Variants in ULK4 observed in about 807,000 individuals in gnomAD.
The protein encoded by ULK4 is inactive serine/threonine-protein kinase ULK4.
ULK4 carries 133 observed loss-of-function variants against 160.6 expected under a neutral mutation model. The ratio of observed to expected loss-of-function variants is 0.83; its 90% CI spans 0.72 to 0.96. ULK4 has a LOEUF of 0.96. ULK4 is among the 40% of genes least tolerant of loss of function. The pLI is 0.00. For synonymous variants in ULK4, 534 were observed against 539.8 expected (o/e 0.99, Z 0.15); for missense variants, 1,580 against 1,499.5 (o/e 1.05, Z -0.89).
chr3:41,739,650 T>C (rs2038176365), intron 22 of ULK4, among the ~76,000 whole-genome samples: 2 of 151,976 alleles, frequency 1.3e-5, no homozygotes, highest in South Asian at 4.1e-4. Flanking sequence ...AATGAGCACA[T>C]GCATGTTCAC....
rs536368765 is a variant in ULK4 at position 41,283,363 on chromosome 3, C to T, written c.3679-33789G>A. Among the ~76,000 whole-genome samples, 4 of 152,302 alleles carry T rather than the reference C, an allele frequency of 2.6e-5. No individual in the cohort carries two copies. In the South Asian group the frequency reaches 8.3e-4, roughly 32 times the overall value. On this transcript the variant is annotated intron_variant, in intron 35 of 36. Coordinates refer to ENST00000301831, the MANE Select transcript of ULK4 (RefSeq NM_017886.4). ...ACATGCACACATATGTTTATTGCCACACTATTCACAATAGAAAAGACTTAG... is the reference window on the plus strand; with the variant it reads ...ACATGCACACATATGTTTATTGCCATACTATTCACAATAGAAAAGACTTAG...
At chr3:41,678,212 A>G (rs1334635094) in intron 29 of ULK4, among the ~76,000 whole-genome samples, 1 of 151,364 alleles carries the variant, frequency 6.6e-6, no homozygotes, top group South Asian at 2.1e-4. Context: ...ACACACACAC[A>G]CACACACACA....
At chr3:41,441,547 G>A (rs907583591) in intron 34 of ULK4, among the ~76,000 whole-genome samples, 1 of 151,870 alleles carries the variant, frequency 6.6e-6, no homozygotes, top group African/African-American at 2.4e-5. Context: ...ATTTACATAT[G>A]TATAAATTTA....
intron 18 of ULK4, among the ~76,000 whole-genome samples, chr3:41,833,059 T>C (rs2041643758): frequency 6.6e-6 from 1 of 152,198 alleles, no homozygotes; most frequent in Non-Finnish European, 1.5e-5. Flanking sequence ...TTTTTTCTAA[T>C]TCTGTGAAGA....
chr3:41,950,594 G>A (rs1352025537), intron 2 of ULK4, among the ~76,000 whole-genome samples: 2 of 151,824 alleles, frequency 1.3e-5, no homozygotes, highest in Non-Finnish European at 2.9e-5. Flanking sequence ...TCACCATGTT[G>A]CCCAGGCTGG....
chr3:41,735,024 G>A (rs1379568237), intron 22 of ULK4, among the ~76,000 whole-genome samples: 1 of 152,164 alleles, frequency 6.6e-6, no homozygotes, highest in African/African-American at 2.4e-5. Context: ...AAAGGAATTG[G>A]GTGCCAGAAA....
Position 41,794,197 on chromosome 3 carries a change from C to A in ULK4, c.2011-4354G>T, listed in dbSNP as rs369561842. 2.6e-5 allele frequency among the ~76,000 whole-genome samples: 4 copies of A among 152,158 alleles called. No homozygotes were observed. In the East Asian group the frequency reaches 7.7e-4, roughly 29 times the overall value. On this transcript the variant is annotated intron_variant, in intron 20 of 36. Coordinates refer to ENST00000301831, the MANE Select transcript of ULK4 (RefSeq NM_017886.4). ...GAAAATCACTGACAGGCAGGAAATACAGACAGTTACAAGTGGAACAACATG... is the reference window on the plus strand; with the variant it reads ...GAAAATCACTGACAGGCAGGAAATAAAGACAGTTACAAGTGGAACAACATG...
At chr3:41,494,519 C>G (rs1274505746) in intron 32 of ULK4, among the ~76,000 whole-genome samples, 1 of 150,928 alleles carries the variant, frequency 6.6e-6, no homozygotes. Context: ...AAAACTGGCA[C>G]AAGACAGGGA....
At chr3:41,268,796 TCC>T (rs2079088864) in intron 35 of ULK4, among the ~76,000 whole-genome samples, 1 of 107,324 alleles carries the variant, frequency 9.3e-6, no homozygotes. Flanking sequence ...AGAGCAAGAC[TCC>T]GTCTCACACA....
intron 30 of ULK4, among the ~76,000 whole-genome samples, chr3:41,658,751 A>ACT (rs745962551): frequency 5.3e-5 from 8 of 151,150 alleles, no homozygotes; most frequent in Non-Finnish European, 1.2e-4. Context: ...ACACACACAC[A>ACT]CACACACATA....
rs1297830495 is a variant in ULK4 at position 41,779,965 on chromosome 3, C to A, written c.2193+9696G>T. 4.1e-5 allele frequency among the ~76,000 whole-genome samples: 5 copies of A among 122,526 alleles called. 1 individual carries two copies. Among genetic ancestry groups the A allele is most frequent in the Admixed American group, 1.7e-4 (2 of 11,850 alleles). The allele number at this position is 122,526 out of a possible 152,430, so 80.4% of individuals were successfully genotyped here. ...CTAACCTGCACAATGTGCACATGTA[C>A]CCTAAAACTTAGAGTATAATAAAAA... On this transcript the variant is annotated intron_variant, in intron 21 of 36. Transcript: ENST00000301831.
Position 41,898,499 on chromosome 3 carries a change from T to C in ULK4, c.1288-7A>G, listed in dbSNP as rs1698244241. The C allele has an allele frequency of 9.2e-7, 1 of 1,088,694 alleles. No individual in the cohort carries two copies. Among genetic ancestry groups the C allele is most frequent in the South Asian group, 1.9e-5 (1 of 54,042 alleles). The allele number at this position is 1,088,694 out of a possible 1,614,324, so 67.4% of individuals were successfully genotyped here. A position where few individuals can be genotyped will look rare whatever the true frequency, so the allele number is the denominator to read the frequency against. On this transcript the variant is annotated splice_region_variant and splice_polypyrimidine_tract_variant and intron_variant, in intron 13 of 36. Coordinates refer to ENST00000301831, the MANE Select transcript of ULK4 (RefSeq NM_017886.4). ...CTGGTGGCTGTTTCATTATCTGTGG[T>C]TTAAAAAAAAAGAAAGCTTTTGAGA...
At chr3:41,419,124 T>C (rs978331178) in intron 34 of ULK4, among the ~76,000 whole-genome samples, 1 of 152,176 alleles carries the variant, frequency 6.6e-6, no homozygotes, top group Admixed American at 6.6e-5. Flanking sequence ...TAGAAAACTG[T>C]TAAACAATGC....
intron 22 of ULK4, among the ~76,000 whole-genome samples, chr3:41,719,774 C>T (rs190431928): frequency 4.7e-4 from 72 of 152,264 alleles, no homozygotes; most frequent in Admixed American, 1.2e-3. Context: ...CTAATCTTGT[C>T]CATCAGGTCA....
intron 34 of ULK4, among the ~76,000 whole-genome samples, chr3:41,430,415 G>C (rs756205180): frequency 6.6e-6 from 1 of 152,164 alleles, no homozygotes; most frequent in Non-Finnish European, 1.5e-5. Flanking sequence ...TATAGGACTT[G>C]GTTGCCCCAA....
chr3:41,941,772 A>AAAAAAAAG, intron 2 of ULK4, among the ~76,000 whole-genome samples: 2 of 149,252 alleles, frequency 1.3e-5, no homozygotes, highest in African/African-American at 2.4e-5. Context: ...AAAAAAAAAA[A>AAAAAAAAG]AAAAAAAGAG....
intron 12 of ULK4, among the ~76,000 whole-genome samples, chr3:41,904,028 G>A (rs1329619179): frequency 2.0e-5 from 3 of 150,280 alleles, no homozygotes; most frequent in Non-Finnish European, 3.0e-5. Context: ...GTGTTTACCC[G>A]GGAATTATAT....
intron 34 of ULK4, among the ~76,000 whole-genome samples, chr3:41,406,297 TG>T (rs2082293421): frequency 6.6e-6 from 1 of 152,242 alleles, no homozygotes; most frequent in African/African-American, 2.4e-5. Flanking sequence ...GCTTTATTTC[TG>T]GGTTCTCTAT....
At chr3:41,831,133 T>C (rs1161968409) in intron 18 of ULK4, among the ~76,000 whole-genome samples, 1 of 151,870 alleles carries the variant, frequency 6.6e-6, no homozygotes, top group Non-Finnish European at 1.5e-5. Context: ...GCTTGAGCAA[T>C]CCTCCCACCT....
Sources: gnomAD v4.1 joint callset for allele counts (sites outside exome capture counted in the v4.1 genomes callset) on GRCh38, gnomAD v4.1.1 for gene constraint, MANE v1.5 for transcripts, NCBI Gene and HGNC (gene_info 2026-07-23, HGNC 2026-07-21) for gene names.